The following GAD2 variants were observed in gnomAD, a reference collection of about 807,000 sequenced individuals.
The protein encoded by GAD2 is glutamate decarboxylase 2.
A neutral mutation model predicts 80.1 loss-of-function variants in GAD2; 22 were observed. The ratio of observed to expected loss-of-function variants is 0.27; its 90% CI spans 0.20 to 0.39. GAD2 has a LOEUF of 0.39. Ranked by LOEUF, GAD2 falls within the 10% of genes least tolerant of loss-of-function variation. The pLI is 1.00. For synonymous variants in GAD2, 274 were observed against 256.9 expected (o/e 1.07, Z -0.64); for missense variants, 624 against 738.4 (o/e 0.85, Z 1.80).
chr10:26,237,987 G>A (rs551769346), intron 7 of GAD2, among the ~76,000 whole-genome samples: 1 of 149,088 alleles, frequency 6.7e-6, no homozygotes, highest in Non-Finnish European at 1.5e-5. Context: ...AGGTGACAGG[G>A]CGAGACTCCA....
intron 7 of GAD2, among the ~76,000 whole-genome samples, chr10:26,243,323 A>T (rs897422684): frequency 5.3e-5 from 8 of 152,200 alleles, no homozygotes; most frequent in Non-Finnish European, 1.5e-5. Context: ...TACATGTGTT[A>T]AGAGTTCCTG....
At chr10:26,299,486 GA>G (rs1834307412) in intron 15 of GAD2, among the ~76,000 whole-genome samples, 1 of 152,152 alleles carries the variant, frequency 6.6e-6, no homozygotes, top group East Asian at 1.9e-4. Flanking sequence ...AATATATGTG[GA>G]TAGACTGTAT....
intron 8 of GAD2, among the ~76,000 whole-genome samples, chr10:26,246,354 G>C (rs74922462): frequency 1.4e-3 from 214 of 152,314 alleles, no homozygotes; most frequent in African/African-American, 5.0e-3. Flanking sequence ...ACCATAGATA[G>C]TGTAAGCTTG....
rs1385379005 is a variant in GAD2 at position 26,292,587 on chromosome 10, T to C, written c.1494+15T>C. 4 of 1,577,468 alleles carry C rather than the reference T, an allele frequency of 2.5e-6. No individual in the cohort carries two copies. Among genetic ancestry groups the C allele is most frequent in the Non-Finnish European group, 3.5e-6 (4 of 1,147,060 alleles). On this transcript the variant is annotated intron_variant, in intron 14 of 15. Coordinates refer to ENST00000376261, the MANE Select transcript of GAD2 (RefSeq NM_001134366.2). The stretch of plus-strand genomic sequence containing the variant: ...TTGATGGGAAGGTATGTATTTGGAT[T>C]TCTACAATCTCAGAAAGTTTAGTCA...
In GAD2 at chr10:26,302,130, C is replaced by T. The variant is rs1010063954; in HGVS notation, c.*1169C>T. On this transcript the variant is annotated 3_prime_UTR_variant, in exon 16 of 16. Transcript: ENST00000376261. ...CATCCTGGCGCCATATTGCCACTGT[C>T]CAGGAAAGAGAAATTTACCTCCAGG... is the stretch of plus-strand genomic sequence containing the variant. 2.0e-5 allele frequency: 3 copies of T among 152,092 alleles called. No homozygotes were observed. Among genetic ancestry groups the T allele is most frequent in the Non-Finnish European group, 4.4e-5 (3 of 68,036 alleles). The allele number at this position is 152,092 out of a possible 1,614,324, so 9.4% of individuals were successfully genotyped here.
At chr10:26,267,468 A>C (rs1340141644) in intron 8 of GAD2, among the ~76,000 whole-genome samples, 1 of 152,196 alleles carries the variant, frequency 6.6e-6, no homozygotes, top group Non-Finnish European at 1.5e-5. Flanking sequence ...AAGGAGTGAG[A>C]AGCTCTCTGT....
chr10:26,224,012 A>G (rs539328162), intron 5 of GAD2, 35 bp downstream of exon 5: 3 of 1,430,100 alleles, frequency 2.1e-6, no homozygotes, highest in South Asian at 2.3e-5. Flanking sequence ...GTAATTTAGG[A>G]TAATTATTAG....
chr10:26,227,836 C>T (rs567641805), intron 6 of GAD2, among the ~76,000 whole-genome samples: 2 of 152,354 alleles, frequency 1.3e-5, no homozygotes, highest in South Asian at 2.1e-4. Flanking sequence ...GGTGTCTGCT[C>T]AGAGCAGGCG....
intron 7 of GAD2, 52 bp from the exon 8 acceptor site, chr10:26,245,868 TG>T: frequency 7.3e-7 from 1 of 1,365,812 alleles, no homozygotes; most frequent in Non-Finnish European, 1.0e-6. Context: ...GCCAGTGGAA[TG>T]GATCTTGTCT....
At position 26,269,099 on chromosome 10, in the gene GAD2, A is replaced by G. The variant is rs8190708; in HGVS notation, c.921-20A>G. The G allele has an allele frequency of 8.2e-3, 12,973 of 1,578,318 alleles. 77 individuals are homozygous for G. Among genetic ancestry groups the G allele is most frequent in the Middle Eastern group, 0.01 (60 of 5,936 alleles). On this transcript the variant is annotated intron_variant, in intron 8 of 15. Coordinates refer to ENST00000376261, the MANE Select transcript of GAD2 (RefSeq NM_001134366.2). ...GAAGCAAATTATTCAAAGCAAATCT[A>G]TATTTCTTTTTCCTTCCAGAGGGAA...
At chr10:26,278,712 A>C (rs1845239179) in intron 11 of GAD2, among the ~76,000 whole-genome samples, 1 of 152,042 alleles carries the variant, frequency 6.6e-6, no homozygotes, top group African/African-American at 2.4e-5. Flanking sequence ...TAGTTATCTG[A>C]CCATGAACTG....
intron 5 of GAD2, 60 bp from the exon 6 acceptor site, chr10:26,224,479 A>G: frequency 1.0e-6 from 1 of 971,314 alleles, no homozygotes; most frequent in Non-Finnish European, 1.7e-6. Context: ...AGCTATTGTA[A>G]TGATTGTAAA....
At chr10:26,235,094 G>A (rs938157543) in intron 7 of GAD2, among the ~76,000 whole-genome samples, 2 of 152,142 alleles carry the variant, frequency 1.3e-5, no homozygotes, top group Non-Finnish European at 2.9e-5. Context: ...GGCTGGTCTC[G>A]AACTCCTGAC....
intron 7 of GAD2, among the ~76,000 whole-genome samples, chr10:26,238,043 CACACAA>C (rs1844696935): frequency 6.7e-6 from 1 of 148,206 alleles, no homozygotes; most frequent in African/African-American, 2.5e-5. Flanking sequence ...CACACACACA[CACACAA>C]GAAAAGAAAG....
chr10:26,255,676 A>G (rs1316863623), intron 8 of GAD2, among the ~76,000 whole-genome samples: 1 of 151,036 alleles, frequency 6.6e-6, no homozygotes, highest in East Asian at 2.0e-4. Flanking sequence ...GAAAGAAGGA[A>G]GGAAGCAAGG....
At chr10:26,277,913 C>A (rs1216411594) in intron 11 of GAD2, among the ~76,000 whole-genome samples, 1 of 152,010 alleles carries the variant, frequency 6.6e-6, no homozygotes, top group Non-Finnish European at 1.5e-5. Flanking sequence ...GGATTCAGTT[C>A]TCTCCAACTT....
intron 13 of GAD2, among the ~76,000 whole-genome samples, 175 bp from the exon 14 acceptor site, chr10:26,292,290 C>T (rs556122529): frequency 7.2e-5 from 11 of 152,074 alleles, no homozygotes; most frequent in African/African-American, 1.9e-4. Context: ...AAGCACCTGA[C>T]GGGGAGAGCA....
chr10:26,252,093 T>C (rs1268769943), intron 8 of GAD2, among the ~76,000 whole-genome samples: 1 of 152,206 alleles, frequency 6.6e-6, no homozygotes, highest in East Asian at 1.9e-4. Flanking sequence ...GTAATGCGCT[T>C]TGTAAAGTTC....
intron 6 of GAD2, among the ~76,000 whole-genome samples, chr10:26,228,332 A>G (rs1275609463): frequency 1.3e-5 from 2 of 152,238 alleles, no homozygotes; most frequent in Non-Finnish European, 2.9e-5. Context: ...CAACTTTTGG[A>G]TGACACAGAA....
Sources: gnomAD v4.1 joint callset for allele counts (sites outside exome capture counted in the v4.1 genomes callset) on GRCh38, gnomAD v4.1.1 for gene constraint, MANE v1.5 for transcripts, NCBI Gene and HGNC (gene_info 2026-07-23, HGNC 2026-07-21) for gene names.